CADM2: variants seen among roughly 807,000 people sequenced by gnomAD.
CADM2 encodes the protein cell adhesion molecule 2.
In CADM2, 12 loss-of-function variants were observed where a neutral mutation model predicts 49.8. The ratio of observed to expected loss-of-function variants is 0.24; its 90% CI spans 0.15 to 0.39. The LOEUF (loss-of-function observed/expected upper bound fraction) is 0.39. Ranked by LOEUF, CADM2 falls within the 10% of genes least tolerant of loss-of-function variation. The pLI, the probability that CADM2 is intolerant of heterozygous loss-of-function variation, is 1.00. For synonymous variants in CADM2, 214 were observed against 175.4 expected, an observed-to-expected ratio of 1.22 and a Z score of -1.74; for missense variants, 378 against 492.3, an observed-to-expected ratio of 0.77 and a Z score of 2.20.
At chr3:84,965,028 T>G (rs2030868211) in intron 1 of CADM2, among the ~76,000 whole-genome samples, 1 of 152,184 alleles carries the variant, frequency 6.6e-6, no homozygotes, top group Non-Finnish European at 1.5e-5. Context: ...TCCTACCATT[T>G]TTTTCTTTTC....
intron 1 of CADM2, among the ~76,000 whole-genome samples, chr3:85,042,814 A>G (rs2035495559): frequency 6.6e-6 from 1 of 152,130 alleles, no homozygotes; most frequent in African/African-American, 2.4e-5. Context: ...GATCACCTCT[A>G]CCATCTTTTT....
intron 1 of CADM2, among the ~76,000 whole-genome samples, chr3:85,585,018 C>T (rs578077361): frequency 6.6e-6 from 1 of 151,990 alleles, no homozygotes; most frequent in Admixed American, 6.6e-5. Context: ...CCTTCAACTG[C>T]GGTTGAAAAA....
intron 8 of CADM2, among the ~76,000 whole-genome samples, chr3:86,026,081 T>C (rs1031158930): frequency 6.6e-6 from 1 of 152,174 alleles, no homozygotes; most frequent in Non-Finnish European, 1.5e-5. Context: ...TATTGTGTAC[T>C]AGGGAATGTG....
At chr3:85,783,859 C>A (rs2108003721) in intron 2 of CADM2, among the ~76,000 whole-genome samples, 1 of 152,190 alleles carries the variant, frequency 6.6e-6, no homozygotes, top group South Asian at 2.1e-4. Context: ...TATTGTTTCT[C>A]TTTGGTGAGA....
chr3:85,471,564 A>C (rs1245463614), intron 1 of CADM2, among the ~76,000 whole-genome samples: 1 of 152,072 alleles, frequency 6.6e-6, no homozygotes, highest in Non-Finnish European at 1.5e-5. Flanking sequence ...AGGGTGCTGG[A>C]ATTTTTTAGT....
At chr3:85,193,352 T>C (rs1055178628) in intron 1 of CADM2, among the ~76,000 whole-genome samples, 1 of 110,712 alleles carries the variant, frequency 9.0e-6, no homozygotes, top group Non-Finnish European at 1.8e-5. Flanking sequence ...TATCTAAAAA[T>C]CTATCTAAAA....
At chr3:85,982,366 C>G (rs1727581158) in intron 8 of CADM2, among the ~76,000 whole-genome samples, 2 of 151,554 alleles carry the variant, frequency 1.3e-5, no homozygotes, top group South Asian at 4.2e-4. Flanking sequence ...AAGATATGAA[C>G]AAAAACCAAT....
At chr3:85,030,033 T>C (rs2034908797) in intron 1 of CADM2, among the ~76,000 whole-genome samples, 1 of 152,202 alleles carries the variant, frequency 6.6e-6, no homozygotes, top group African/African-American at 2.4e-5. Context: ...ATTTGTTTTT[T>C]TCTCACTTCC....
intron 1 of CADM2, among the ~76,000 whole-genome samples, chr3:85,319,116 T>A (rs72903206): frequency 0.073 from 11,043 of 152,240 alleles, 739 homozygotes; most frequent in African/African-American, 0.17. Flanking sequence ...GAACATGATA[T>A]AAGGTCAGAT....
chr3:85,609,846 G>A (rs969294448), intron 1 of CADM2, among the ~76,000 whole-genome samples: 6 of 152,070 alleles, frequency 3.9e-5, no homozygotes, highest in African/African-American at 1.4e-4. Context: ...TATTATAATG[G>A]GGATTTAATT....
chr3:85,695,610 A>G (rs912296300), intron 1 of CADM2, among the ~76,000 whole-genome samples: 2 of 152,038 alleles, frequency 1.3e-5, no homozygotes, highest in East Asian at 3.8e-4. Context: ...ACACACACGC[A>G]CACAAACACA....
At chr3:85,614,986 C>G (rs1429573563) in intron 1 of CADM2, among the ~76,000 whole-genome samples, 3 of 151,972 alleles carry the variant, frequency 2.0e-5, no homozygotes, top group Admixed American at 6.6e-5. Flanking sequence ...ATATAGCTGT[C>G]CTTTAGCTAA....
intron 8 of CADM2, among the ~76,000 whole-genome samples, chr3:85,996,299 T>C (rs1729409956): frequency 7.0e-6 from 1 of 142,490 alleles, no homozygotes; most frequent in Non-Finnish European, 1.5e-5. Flanking sequence ...ACTTTTTTTT[T>C]TTTTTTTTTT....
At chr3:85,802,313 T>C (rs2072098621) in intron 3 of CADM2, 117 bp downstream of exon 3, 1 of 874,046 alleles carries the variant, frequency 1.1e-6, no homozygotes, top group African/African-American at 1.7e-5. Context: ...TGCTGCTGCT[T>C]GTATTTAAAC....
intron 1 of CADM2, among the ~76,000 whole-genome samples, chr3:85,234,666 T>G (rs1576179543): frequency 1.3e-5 from 2 of 152,152 alleles, no homozygotes; most frequent in East Asian, 3.9e-4. Flanking sequence ...ACGTGGTAAA[T>G]ACTGGTCAGT....
At chr3:85,774,627 C>A (rs2070266674) in intron 2 of CADM2, among the ~76,000 whole-genome samples, 1 of 150,156 alleles carries the variant, frequency 6.7e-6, no homozygotes, top group African/African-American at 2.4e-5. Context: ...TTTTTTAATC[C>A]TAAGAATAGC....
chr3:85,947,571 T>A (rs1025582610), intron 7 of CADM2, among the ~76,000 whole-genome samples: 18 of 151,722 alleles, frequency 1.2e-4, no homozygotes, highest in Non-Finnish European at 2.1e-4. Context: ...ATGTGTGCAG[T>A]CCTTTCCATA....
intron 1 of CADM2, among the ~76,000 whole-genome samples, chr3:84,991,268 C>T (rs936350066): frequency 2.0e-5 from 3 of 147,170 alleles, no homozygotes; most frequent in Admixed American, 1.4e-4. Flanking sequence ...GGAATTTTCC[C>T]GAGGGAAAAT....
intron 8 of CADM2, among the ~76,000 whole-genome samples, chr3:86,027,013 T>C (rs1733976619): frequency 1.3e-5 from 2 of 152,110 alleles, no homozygotes. Flanking sequence ...ATATTAGATT[T>C]ATAATACTCA....
Sources: gnomAD v4.1 joint callset for allele counts (sites outside exome capture counted in the v4.1 genomes callset) on GRCh38, gnomAD v4.1.1 for gene constraint, MANE v1.5 for transcripts, NCBI Gene and HGNC (gene_info 2026-07-23, HGNC 2026-07-21) for gene names.